CPSF1: variants seen among roughly 807,000 people sequenced by gnomAD.
CPSF1 encodes cleavage and polyadenylation specificity factor subunit 1.
Under a neutral mutation model 175.8 loss-of-function variants are expected in CPSF1, and 106 were observed. That is an observed-to-expected ratio of 0.60 (90% CI 0.52 to 0.71). The LOEUF is 0.71. Ranked by LOEUF, CPSF1 falls within the 30% of genes least tolerant of loss-of-function variation. CPSF1 has a pLI of 0.00. For synonymous variants in CPSF1, 1,024 were observed against 858.3 expected, an observed-to-expected ratio of 1.19 and a Z score of -3.37; for missense variants, 1,734 against 2,022.9, an observed-to-expected ratio of 0.86 and a Z score of 2.74.
At chr8:144,407,960 G>A (rs2116909786) in intron 2 of CPSF1, among the ~76,000 whole-genome samples, 1 of 152,178 alleles carries the variant, frequency 6.6e-6, no homozygotes, top group South Asian at 2.1e-4. Flanking sequence ...GAGGAACTGC[G>A]GCCTCCTGCC....
chr8:144,400,784 G>T lies in CPSF1; in HGVS notation c.573C>A (p.Ile191=). Residue 191 remains isoleucine (I), a synonymous_variant, in exon 7 of 38, where the codon ATC becomes ATA. Coordinates refer to ENST00000616140, the MANE Select transcript of CPSF1 (RefSeq NM_013291.3). The part of the protein sequence containing the change: ...QRSSFLPSYI[I]DVRALDEKLL... Reference sequence around the variant, plus strand: ...GCTTCTCGTCTAGGGCCCGCACGTCGATGATGTAGCTGGGCAGGAAGCTGG... The same window carrying T: ...GCTTCTCGTCTAGGGCCCGCACGTCTATGATGTAGCTGGGCAGGAAGCTGG... 2 of 1,613,858 alleles carry T rather than the reference G, an allele frequency of 1.2e-6. No homozygotes were observed. Among genetic ancestry groups the T allele is most frequent in the Non-Finnish European group, 1.7e-6 (2 of 1,179,952 alleles).
rs1554865758 is a variant in CPSF1 at position 144,399,839 on chromosome 8, A to G, written c.1061T>C (p.Met354Thr). 3 of 1,554,632 alleles carry G rather than the reference A, an allele frequency of 1.9e-6. No individual in the cohort carries two copies. Among genetic ancestry groups the G allele is most frequent in the Non-Finnish European group, 1.7e-6 (2 of 1,149,548 alleles). ...IYVLTLITDG[M>T]RSVRAFHFDK... ...AAAGTGGAACGCTCGGACACTGCGC[A>G]TGCCGTCGGTGATGAGGGTCAGCAC... Residue 354 changes from methionine to threonine, a missense_variant, in exon 11 of 38, where the codon ATG (methionine) becomes ACG (threonine). Transcript: ENST00000616140. This position sits in a 1 kb window ranked among gnomAD's most constrained non-coding sequence, Gnocchi z 6.4.
intron 2 of CPSF1, among the ~76,000 whole-genome samples, chr8:144,407,868 C>A (rs2116909567): frequency 6.6e-6 from 1 of 152,258 alleles, no homozygotes; most frequent in African/African-American, 2.4e-5. Context: ...ACAGGACTCG[C>A]CGTGGCTTCA....
chr8:144,399,445 C>A lies in CPSF1; in HGVS notation c.1294+7G>T. 6.2e-7 allele frequency: 1 copy of A among 1,612,890 alleles called. No homozygotes were observed. The highest frequency in any genetic ancestry group is 8.5e-7 in the Non-Finnish European group (1 of 1,179,932). On this transcript the variant is annotated splice_region_variant and intron_variant, in intron 13 of 37. Transcript: ENST00000616140. This position sits in a 1 kb window ranked among gnomAD's most constrained non-coding sequence, Gnocchi z 6.4. Reference sequence around the variant, plus strand: ...CCGCTCCTGACCAGCCCTGGACCGGCCCTCACCTGACCAGCCGGCCGTCGC... The same window carrying A: ...CCGCTCCTGACCAGCCCTGGACCGGACCTCACCTGACCAGCCGGCCGTCGC...
intron 9 of CPSF1, 29 bp downstream of exon 9, chr8:144,400,137 C>CCT (rs1245398243): frequency 1.4e-5 from 16 of 1,127,698 alleles, no homozygotes; most frequent in East Asian, 8.0e-5. Flanking sequence ...GTCCCCGGGC[C>CCT]CCCCCCGCCC....
intron 2 of CPSF1, among the ~76,000 whole-genome samples, chr8:144,405,141 T>C (rs192341117): frequency 5.3e-5 from 8 of 152,268 alleles, no homozygotes; most frequent in South Asian, 2.1e-4. Context: ...CAAGATACTT[T>C]TAGTTACAAA....
intron 7 of CPSF1, 58 bp from the exon 8 acceptor site, chr8:144,400,551 G>C: frequency 6.2e-7 from 1 of 1,608,758 alleles, no homozygotes. Context: ...CCCAGGCCCA[G>C]CTCCTCCCGA....
In CPSF1 at chr8:144,409,269, C is replaced by T. The variant is rs1180423492; in HGVS notation, c.-15+20G>A. The T allele has an allele frequency of 1.9e-6, 2 of 1,058,540 alleles. No individual in the cohort carries two copies. Among genetic ancestry groups the T allele is most frequent in the Non-Finnish European group, 2.4e-6 (2 of 840,986 alleles). 65.6% of individuals were successfully genotyped at this position (1,058,540 alleles called of 1,614,324 possible). The stretch of plus-strand genomic sequence containing the variant: ...CCCCGGCCTCGCGCTGCCGCCTCGG[C>T]CGCCCGCCCGGCCGCCCACCTGGCA... On this transcript the variant is annotated intron_variant, in intron 1 of 37. Transcript: ENST00000616140.
Position 144,409,024 on chromosome 8 carries a change from G to C in CPSF1, c.135C>G (p.Arg45=), listed in dbSNP as rs1256601301. Residue 45 remains arginine (R), a synonymous_variant, in exon 2 of 38, where the codon CGC becomes CGG. Transcript: ENST00000616140. ...TSQLYVYRLN[R]DAEALTKNDR... ...CCAGGGCCCGACCTACCTCGGCGTC[G>C]CGGTTGAGGCGGTACACGTAGAGCT... is the stretch of plus-strand genomic sequence containing the variant. 6.2e-7 allele frequency: 1 copy of C among 1,612,950 alleles called. No homozygotes were observed. The highest frequency in any genetic ancestry group is 8.5e-7 in the Non-Finnish European group (1 of 1,179,658).
rs2116868216 is a variant in CPSF1 at position 144,399,948 on chromosome 8, G to C, written c.1031+44C>G. On this transcript the variant is annotated intron_variant, in intron 10 of 37. Transcript: ENST00000616140. This position sits in a 1 kb window ranked among gnomAD's most constrained non-coding sequence, Gnocchi z 6.4. The stretch of plus-strand genomic sequence containing the variant: ...GGCCAGGGGACCCTACAGGACTTGT[G>C]GGGGGCGGTGTGGGCAGAGTTCATG... 1.0e-5 allele frequency: 16 copies of C among 1,591,418 alleles called. No individual in the cohort carries two copies. The highest frequency in any genetic ancestry group is 1.7e-5 in the Admixed American group (1 of 58,054).
At chr8:144,400,135 G>GGGGCGCCCCCCCCCCCCCCC in intron 9 of CPSF1, 31 bp downstream of exon 9, 2 of 896,008 alleles carry the variant, frequency 2.2e-6, no homozygotes, top group Non-Finnish European at 3.2e-6. Flanking sequence ...CCGTCCCCGG[G>GGGGCGCCCCCCCCCCCCCCC]CCCCCCCCGC....
chr8:144,397,107 G>T, intron 23 of CPSF1, 100 bp downstream of exon 23: 1 of 1,213,774 alleles, frequency 8.2e-7, no homozygotes, highest in Non-Finnish European at 1.1e-6. Flanking sequence ...GCGGGGCCGT[G>T]GGGGAGATGG....
Position 144,409,089 on chromosome 8 carries a change from T to TGAA in CPSF1, c.67_69dup (p.Phe23dup). 1.9e-6 allele frequency: 3 copies of TGAA among 1,613,874 alleles called. No homozygotes were observed. The highest frequency in any genetic ancestry group is 2.5e-6 in the Non-Finnish European group (3 of 1,179,914). The stretch of plus-strand genomic sequence containing the variant: ...ACTACCAGGTTGCGCTCGCTGTTGT[T>TGAA]GAAGAAGTTGCAGTACATGGAGAAC... On this transcript the variant is annotated inframe_insertion, in exon 2 of 38. Transcript: ENST00000616140.
rs782518015 is a variant in CPSF1, at chr8:144,394,894, C to T, written c.3402G>A (p.Thr1134=). 45 of 1,611,812 alleles carry T rather than the reference C, an allele frequency of 2.8e-5. No homozygotes were observed. In the East Asian group the frequency reaches 7.8e-4, roughly 28 times the overall value. Residue 1134 remains threonine (T), a synonymous_variant, in exon 30 of 38, where the codon ACG becomes ACA. Transcript: ENST00000616140. The part of the protein sequence containing the change: ...GTCLMQGEEV[T]CRGRILIMDV... Reference sequence around the variant, plus strand: ...ACTGGCCCCTTACCCGCCCTCGGCACGTGACCTCCTCCCCCTGCATGAGGC... The same window carrying T: ...ACTGGCCCCTTACCCGCCCTCGGCATGTGACCTCCTCCCCCTGCATGAGGC...
Position 144,398,968 on chromosome 8 carries a change from G to C in CPSF1, c.1538C>G (p.Ser513Trp). 1 of 1,612,814 alleles carries C rather than the reference G, an allele frequency of 6.2e-7. No individual in the cohort carries two copies. Among genetic ancestry groups the C allele is most frequent in the East Asian group, 2.2e-5 (1 of 44,880 alleles). ...TACCTGCCCACACACCTGCAGCACC[G>C]ACAAAGCCCCGTTCTTCCCGTGGCC... Reference protein sequence around the residue: ...CSGHGKNGALSVLQKSIRPQV... With the variant: ...CSGHGKNGALWVLQKSIRPQV... The change falls in exon 16 of 38, where the codon TCG becomes TGG. Residue 513 changes from serine to tryptophan, a missense_variant. This residue lies in a region of CPSF1 where 280 missense variants were observed against 349.2 expected (regional missense o/e 0.80). Coordinates refer to ENST00000616140, the MANE Select transcript of CPSF1 (RefSeq NM_013291.3).
In CPSF1 at chr8:144,397,758, A is replaced by T. The variant is rs1554864538; in HGVS notation, c.2195T>A (p.Leu732Gln). ...CCCCACGCACCTAGTCTCTGAGCCC[A>T]GGCCCTCGGCCTCCGGGCCACTGCG... ...GGRSGPEAEGLGSETSPTVDD... is the reference protein window; with the variant it reads ...GGRSGPEAEGQGSETSPTVDD... The change falls in exon 21 of 38, where the codon CTG becomes CAG. Residue 732 changes from leucine to glutamine, a missense_variant. By Grantham distance (113) the Leu-to-Gln change is moderately radical (BLOSUM62 -2). Coordinates refer to ENST00000616140, the MANE Select transcript of CPSF1 (RefSeq NM_013291.3). 1.2e-6 allele frequency: 2 copies of T among 1,605,982 alleles called. No individual in the cohort carries two copies. Among genetic ancestry groups the T allele is most frequent in the Non-Finnish European group, 1.7e-6 (2 of 1,175,314 alleles).
Position 144,395,478 on chromosome 8 carries a change from A to T in CPSF1, c.3053T>A (p.Leu1018Gln). 6.9e-6 allele frequency: 11 copies of T among 1,594,962 alleles called. No individual in the cohort carries two copies. Among genetic ancestry groups the T allele is most frequent in the Non-Finnish European group, 9.4e-6 (11 of 1,169,058 alleles). Residue 1018 changes from leucine to glutamine, a missense_variant, in exon 27 of 38, where the codon CTG becomes CAG. Leu to Gln is a moderately radical substitution (Grantham distance 113). Transcript: ENST00000616140. ...AGCCACATAGTGGGCCGTGCAGCGC[A>T]GCGGGATCTTCCTGACAGGCCATGG... The part of the protein sequence containing the change: ...DAPWPVRKIP[L>Q]RCTAHYVAYH...
At chr8:144,408,701 T>C (rs1670054728) in intron 2 of CPSF1, among the ~76,000 whole-genome samples, 1 of 152,178 alleles carries the variant, frequency 6.6e-6, no homozygotes, top group Non-Finnish European at 1.5e-5. Flanking sequence ...GTGGTTCACA[T>C]GGTATCTCTG....
rs1554862731 is a variant in CPSF1 at position 144,394,374 on chromosome 8, T to A, written c.3744+5A>T. ...CAGACACGAGCACCGCCGCCACAGG[T>A]GTACCCGCGACACCAGGCTCAGCGT... is the stretch of plus-strand genomic sequence containing the variant. On this transcript the variant is annotated splice_donor_5th_base_variant and intron_variant, in intron 32 of 37. Coordinates refer to ENST00000616140, the MANE Select transcript of CPSF1 (RefSeq NM_013291.3). 6.2e-7 allele frequency: 1 copy of A among 1,601,466 alleles called. No individual in the cohort carries two copies. Among genetic ancestry groups the A allele is most frequent in the East Asian group, 2.2e-5 (1 of 44,552 alleles).
Sources: gnomAD v4.1 joint callset for allele counts (sites outside exome capture counted in the v4.1 genomes callset) on GRCh38, gnomAD v4.1.1 for gene constraint, gnomAD v4.1.1 regional missense constraint, Gnocchi (gnomAD v3.1) non-coding constraint, MANE v1.5 for transcripts, NCBI Gene and HGNC (gene_info 2026-07-23, HGNC 2026-07-21) for gene names.